RSF1: variants seen among roughly 807,000 people sequenced by gnomAD.
The protein encoded by RSF1 is HBV pX-associated protein 8.
Under a neutral mutation model 145.2 loss-of-function variants are expected in RSF1, and 13 were observed. The ratio of observed to expected loss-of-function variants is 0.09; its 90% confidence interval spans 0.06 to 0.14. The LOEUF is 0.14. Ranked by LOEUF, RSF1 falls within the 10% of genes least tolerant of loss-of-function variation. RSF1 has a pLI of 1.00. For synonymous variants in RSF1, 577 were observed against 592.6 expected, an observed-to-expected ratio of 0.97 and a Z score of 0.38; for missense variants, 1,517 against 1,718.2, an observed-to-expected ratio of 0.88 and a Z score of 2.07.
At chr11:77,772,696 T>C (rs1948299046) in intron 1 of RSF1, among the ~76,000 whole-genome samples, 1 of 152,028 alleles carries the variant, frequency 6.6e-6, no homozygotes, top group Admixed American at 6.6e-5. Flanking sequence ...TGTCTATGTC[T>C]AGGTATTGAG....
intron 1 of RSF1, among the ~76,000 whole-genome samples, chr11:77,816,581 T>C (rs1272267529): frequency 6.6e-6 from 1 of 152,234 alleles, no homozygotes. Context: ...ATTATCTGTA[T>C]TTACCTTAAT....
rs773192528 is a variant in RSF1, at chr11:77,701,127, A to G, written c.2102T>C (p.Met701Thr). The G allele has an allele frequency of 4.3e-6, 7 of 1,613,688 alleles. No homozygotes were observed. In the Admixed American group the frequency reaches 1.2e-4, roughly 27 times the overall value. The change falls in exon 6 of 16, where the codon ATG becomes ACG. Residue 701 changes from methionine to threonine, a missense_variant. By Grantham distance (81) the Met-to-Thr change is moderately conservative. Coordinates refer to ENST00000308488, the MANE Select transcript of RSF1 (RefSeq NM_016578.4). ...IEEPSETKGS[M>T]QKSKFKYKLV... ...CTTATATTTGAATTTGCTTTTTTGC[A>G]TAGAACCCTTTGTCTCAGAAGGCTC...
At chr11:77,699,073 TA>T (rs1456349399) in intron 6 of RSF1, among the ~76,000 whole-genome samples, 3 of 152,204 alleles carry the variant, frequency 2.0e-5, no homozygotes, top group Non-Finnish European at 2.9e-5. Flanking sequence ...TCTTTACAAA[TA>T]TTTTTACACA....
the RSF1 span, chr11:77,869,312 C>CTTTTT: frequency 3.2e-5 from 4 of 126,968 alleles, no homozygotes; most frequent in African/African-American, 6.1e-5. Flanking sequence ...ATCTCTTTTT[C>CTTTTT]TTTTTTTTTT....
chr11:77,787,405 A>T (rs764915938), intron 1 of RSF1, among the ~76,000 whole-genome samples: 3 of 152,208 alleles, frequency 2.0e-5, no homozygotes, highest in Non-Finnish European at 2.9e-5. Flanking sequence ...ACATTTCATG[A>T]CAATTTAAAA....
At chr11:77,700,686 C>T (rs1359484233) in intron 6 of RSF1, 35 bp downstream of exon 6, 9 of 1,466,480 alleles carry the variant, frequency 6.1e-6, no homozygotes, top group Non-Finnish European at 8.2e-6. Flanking sequence ...TATATAGAGA[C>T]AAATATTTTT....
chr11:77,797,326 G>A (rs899512893), intron 1 of RSF1, among the ~76,000 whole-genome samples: 2 of 152,120 alleles, frequency 1.3e-5, no homozygotes, highest in Non-Finnish European at 2.9e-5. Context: ...ATAGTCCAAT[G>A]GAGCAAAACA....
At chr11:77,800,491 C>CA (rs377611262) in intron 1 of RSF1, among the ~76,000 whole-genome samples, 342 of 149,614 alleles carry the variant, frequency 2.3e-3, no homozygotes, top group African/African-American at 7.4e-3. Flanking sequence ...GAACCTGTCT[C>CA]AAAAAAAAAG....
At chr11:77,719,814 CAT>C (rs1960903337) in intron 5 of RSF1, among the ~76,000 whole-genome samples, 1 of 152,060 alleles carries the variant, frequency 6.6e-6, no homozygotes, top group Non-Finnish European at 1.5e-5. Flanking sequence ...TAATATTTAG[CAT>C]ATGTTTTTAA....
chr11:77,806,269 C>T lies in RSF1; in HGVS notation c.187+14259G>A, dbSNP rs200894607. On this transcript the variant is annotated intron_variant, in intron 1 of 15. Coordinates refer to ENST00000308488, the MANE Select transcript of RSF1 (RefSeq NM_016578.4). ...TAACAGAAACGGAATAATGACTTTT[C>T]CCTCATGGTGTCTTGGGAAAGATAA... 9.2e-5 allele frequency among the ~76,000 whole-genome samples: 14 copies of T among 151,846 alleles called. No homozygotes were observed. The East Asian group carries it at 2.7e-3, about 29-fold the overall frequency.
intron 4 of RSF1, among the ~76,000 whole-genome samples, chr11:77,738,083 C>T (rs918075719): frequency 6.6e-6 from 1 of 152,170 alleles, no homozygotes; most frequent in African/African-American, 2.4e-5. Flanking sequence ...GAGCCAAGAT[C>T]GCGCCACTGC....
chr11:77,794,105 C>T (rs1323087737), intron 1 of RSF1, among the ~76,000 whole-genome samples: 1 of 152,006 alleles, frequency 6.6e-6, no homozygotes, highest in African/African-American at 2.4e-5. Flanking sequence ...TTCAACATTC[C>T]ACTGTTGAAG....
the RSF1 span, among the ~76,000 whole-genome samples, chr11:77,859,477 C>T: frequency 1.3e-5 from 2 of 152,200 alleles, no homozygotes; most frequent in South Asian, 2.1e-4. Flanking sequence ...GCTGCATGGG[C>T]ATGGAGGACT....
At chr11:77,805,632 G>A (rs1483160384) in intron 1 of RSF1, among the ~76,000 whole-genome samples, 3 of 152,024 alleles carry the variant, frequency 2.0e-5, no homozygotes, top group Non-Finnish European at 2.9e-5. Context: ...CATACTTAAC[G>A]TTTATATAGC....
intron 14 of RSF1, 47 bp downstream of exon 14, chr11:77,674,989 C>G: frequency 6.8e-7 from 1 of 1,480,776 alleles, no homozygotes; most frequent in Non-Finnish European, 9.1e-7. Context: ...ACAAGAAAAA[C>G]AAAAAATAAT....
chr11:77,758,346 C>G (rs1346716271), intron 2 of RSF1, among the ~76,000 whole-genome samples: 2 of 152,154 alleles, frequency 1.3e-5, no homozygotes, highest in Non-Finnish European at 1.5e-5. Flanking sequence ...AATGCAAAAT[C>G]CATCCATCTG....
chr11:77,844,923 A>G, the RSF1 span, among the ~76,000 whole-genome samples: 1 of 152,174 alleles, frequency 6.6e-6, no homozygotes, highest in East Asian at 1.9e-4. Flanking sequence ...AGCACTTTCA[A>G]TATGCCATCC....
chr11:77,788,500 A>G (rs1287431050), intron 1 of RSF1, among the ~76,000 whole-genome samples: 2 of 65,964 alleles, frequency 3.0e-5, no homozygotes, highest in African/African-American at 1.2e-4. Flanking sequence ...GACAGGTTAA[A>G]AAAAAAAAAA....
chr11:77,783,669 T>C (rs1948426804), intron 1 of RSF1, among the ~76,000 whole-genome samples: 2 of 151,958 alleles, frequency 1.3e-5, no homozygotes, highest in Admixed American at 1.3e-4. Context: ...CAGCGAGACC[T>C]AGTCTCTACA....
Sources: gnomAD v4.1 joint callset for allele counts (sites outside exome capture counted in the v4.1 genomes callset) on GRCh38, gnomAD v4.1.1 for gene constraint, MANE v1.5 for transcripts, NCBI Gene and HGNC (gene_info 2026-07-23, HGNC 2026-07-21) for gene names.